The following XRRA1 variants were observed in gnomAD, a reference collection of about 807,000 sequenced individuals.
The protein encoded by XRRA1 is X-ray radiation resistance associated 1, also known as X-ray radiation resistance-associated protein 1.
Under a neutral mutation model 80.2 loss-of-function variants are expected in XRRA1, and 69 were observed. That is an observed-to-expected ratio of 0.86 (90% CI 0.71 to 1.05). XRRA1 has a LOEUF of 1.05. XRRA1 is among the 50% of genes least tolerant of loss of function. The probability of loss-of-function intolerance (pLI) is 0.00; values close to 1 mark genes in which losing one functional copy is unlikely to be tolerated. For missense variants in XRRA1, 967 were observed against 976.4 expected (o/e 0.99, Z 0.13); for synonymous variants, 348 against 389.9 (o/e 0.89, Z 1.27).
chr11:74,935,204 T>C (rs920254219), intron 4 of XRRA1, among the ~76,000 whole-genome samples: 2 of 152,158 alleles, frequency 1.3e-5, no homozygotes, highest in African/African-American at 4.8e-5. Context: ...TCAGTAACAA[T>C]CCCTTCTCTA....
intron 10 of XRRA1, among the ~76,000 whole-genome samples, chr11:74,885,247 G>C (rs2048733189): frequency 6.6e-6 from 1 of 152,008 alleles, no homozygotes; most frequent in Admixed American, 6.6e-5. Flanking sequence ...CTGGGTGACA[G>C]AGTGAGACCC....
intron 14 of XRRA1, 73 bp downstream of exon 14, chr11:74,851,015 C>A (rs1004741451): frequency 4.6e-4 from 536 of 1,161,056 alleles, no homozygotes; most frequent in Non-Finnish European, 6.1e-4. Flanking sequence ...AGCTCTACAG[C>A]CAGGTTGGTT....
intron 11 of XRRA1, among the ~76,000 whole-genome samples, chr11:74,860,610 G>A (rs767577212): frequency 4.6e-5 from 7 of 152,206 alleles, no homozygotes; most frequent in African/African-American, 7.2e-5. Context: ...TCTGAGCACT[G>A]AGCAATCCTA....
Position 74,906,335 on chromosome 11 carries a change from G to A in XRRA1, c.907C>T (p.Gln303Ter). 4.3e-6 allele frequency: 7 copies of A among 1,613,970 alleles called. No individual in the cohort carries two copies. Among genetic ancestry groups the A allele is most frequent in the Non-Finnish European group, 5.9e-6 (7 of 1,179,884 alleles). Residue 303 changes from glutamine (Q) to a stop codon, truncating the protein, a stop_gained, in exon 10 of 19, where the codon CAA becomes TAA. Coordinates refer to ENST00000684022, the MANE Select transcript of XRRA1 (RefSeq NM_001378157.1). LOFTEE classifies it high-confidence loss of function. ...CTTGGCTTGGACTGCAGCATGAATT[G>A]GGGCTCTTTATGGGGACTTCCCCTG... ...GGRGSPHKEP[Q>*]FMLQSKPRML...
At chr11:74,875,708 A>G (rs2045898091) in intron 10 of XRRA1, among the ~76,000 whole-genome samples, 1 of 152,116 alleles carries the variant, frequency 6.6e-6, no homozygotes. Flanking sequence ...ATCTCTACTA[A>G]TAATACAAAG....
intron 7 of XRRA1, among the ~76,000 whole-genome samples, chr11:74,925,879 A>G (rs1024580172): frequency 2.6e-5 from 4 of 152,200 alleles, no homozygotes; most frequent in Admixed American, 6.5e-5. Flanking sequence ...CTACTCTCTG[A>G]AAAAGTAAAA....
rs1260650031 is a variant in XRRA1 at position 74,843,848 on chromosome 11, C to T, written c.2149+6G>A. The T allele has an allele frequency of 6.2e-7, 1 of 1,602,590 alleles. No homozygotes were observed. Among genetic ancestry groups the T allele is most frequent in the African/African-American group, 1.3e-5 (1 of 74,856 alleles). On this transcript the variant is annotated splice_donor_region_variant and intron_variant, in intron 18 of 18. Transcript: ENST00000684022. ...TGGGATCCTGGCAGCTGTGGCAGAG[C>T]CGTACCTAGTGGAGCCTCTGTAATG...
In XRRA1 at chr11:74,923,891, T is replaced by A. The variant is rs545097371; in HGVS notation, c.523-2544A>T. ...GGTCTCATTCTGTTACCCATTGGTA[T>A]GAACATGGCTAGAGGGCAGTGGTGT... On this transcript the variant is annotated intron_variant, in intron 7 of 18. Coordinates refer to ENST00000684022, the MANE Select transcript of XRRA1 (RefSeq NM_001378157.1). Among the ~76,000 whole-genome samples, 50 of 152,288 alleles carry A rather than the reference T, an allele frequency of 3.3e-4. 1 individual carries two copies. The South Asian group carries it at 6.8e-3, about 21-fold the overall frequency.
Position 74,921,102 on chromosome 11 carries a change from CCTG to C in XRRA1, c.656+109_656+111del, listed in dbSNP as rs1171611960. On this transcript the variant is annotated intron_variant, in intron 8 of 18. Transcript: ENST00000684022. ...GGGAGCTTCAGTAGGTGCCATTATC[CCTG>C]CTTTGAGCACTTACAGCCTATCTTT... 2.1e-6 allele frequency: 3 copies of C among 1,405,644 alleles called. No individual in the cohort carries two copies. In the African/African-American group the frequency reaches 4.3e-5, roughly 20 times the overall value. 87.1% of individuals were successfully genotyped at this position (1,405,644 alleles called of 1,614,324 possible).
intron 7 of XRRA1, among the ~76,000 whole-genome samples, chr11:74,925,718 C>A (rs1942055929): frequency 6.6e-6 from 1 of 152,120 alleles, no homozygotes; most frequent in African/African-American, 2.4e-5. Flanking sequence ...CACTCATGAT[C>A]AATCACTAGA....
At chr11:74,867,071 T>C (rs1355988815) in intron 10 of XRRA1, among the ~76,000 whole-genome samples, 2 of 152,144 alleles carry the variant, frequency 1.3e-5, no homozygotes. Flanking sequence ...CCAGTGGCCC[T>C]GCACCCTGGC....
chr11:74,930,354 T>G lies in XRRA1; in HGVS notation c.370A>C (p.Lys124Gln). The G allele has an allele frequency of 6.4e-7, 1 of 1,563,436 alleles. No homozygotes were observed. Among genetic ancestry groups the G allele is most frequent in the Non-Finnish European group, 8.7e-7 (1 of 1,152,860 alleles). The change falls in exon 6 of 19, where the codon AAG (lysine) becomes CAG (glutamine). Residue 124 changes from lysine to glutamine, a missense_variant. By Grantham distance (53) the Lys-to-Gln change is moderately conservative. Transcript: ENST00000684022. The part of the protein sequence containing the change: ...KFSKAKENDF[K>Q]HFHSVIYINA... ...ATATAAATCACAGAATGAAAATGCTTGAAGTCATTTTCCTTGGCCTGTAGG... is the reference window on the plus strand; with the variant it reads ...ATATAAATCACAGAATGAAAATGCTGGAAGTCATTTTCCTTGGCCTGTAGG...
intron 3 of XRRA1, among the ~76,000 whole-genome samples, chr11:74,939,374 T>G (rs1211502314): frequency 6.6e-6 from 1 of 152,144 alleles, no homozygotes; most frequent in Non-Finnish European, 1.5e-5. Flanking sequence ...GAAAGAGCTA[T>G]TTTGTTTCCC....
chr11:74,866,291 T>C (rs191800511), intron 10 of XRRA1, among the ~76,000 whole-genome samples: 14 of 152,280 alleles, frequency 9.2e-5, no homozygotes, highest in African/African-American at 3.1e-4. Flanking sequence ...TCTCATTCTG[T>C]CACCCAGGTT....
At chr11:74,943,834 T>C (rs75663246) in intron 2 of XRRA1, among the ~76,000 whole-genome samples, 3 of 152,158 alleles carry the variant, frequency 2.0e-5, no homozygotes, top group African/African-American at 7.2e-5. Flanking sequence ...CTTTTTTTTT[T>C]CTTTTGAGAC....
chr11:74,848,984 A>C (rs983513995), intron 14 of XRRA1, among the ~76,000 whole-genome samples: 2 of 152,222 alleles, frequency 1.3e-5, no homozygotes, highest in African/African-American at 4.8e-5. Context: ...TATACCTTAT[A>C]TAAAGATCCT....
In XRRA1 at chr11:74,856,144, AAC is replaced by A. The variant is rs2041044552; in HGVS notation, c.1170+3012_1170+3013del. 4.4e-4 allele frequency among the ~76,000 whole-genome samples: 67 copies of A among 152,326 alleles called. 1 individual carries two copies. The South Asian group carries it at 0.013, about 31-fold the overall frequency. On this transcript the variant is annotated intron_variant, in intron 12 of 18. Coordinates refer to ENST00000684022, the MANE Select transcript of XRRA1 (RefSeq NM_001378157.1). ...GAAACTCCATCTGAACAACAACAAC[AAC>A]AAAAATCATTCATTCATCTAACAAA...
intron 8 of XRRA1, among the ~76,000 whole-genome samples, chr11:74,920,970 G>C (rs753873570): frequency 7.2e-5 from 11 of 152,162 alleles, no homozygotes; most frequent in Non-Finnish European, 1.2e-4. Flanking sequence ...TGTCTGGCAA[G>C]ACAGTTTACA....
At chr11:74,925,564 T>G (rs1942017261) in intron 7 of XRRA1, among the ~76,000 whole-genome samples, 1 of 151,510 alleles carries the variant, frequency 6.6e-6, no homozygotes, top group Non-Finnish European at 1.5e-5. Flanking sequence ...GGGCAAGAGA[T>G]TTCCTGTTTT....
Sources: gnomAD v4.1 joint callset for allele counts (sites outside exome capture counted in the v4.1 genomes callset) on GRCh38, gnomAD v4.1.1 for gene constraint, MANE v1.5 for transcripts, NCBI Gene and HGNC (gene_info 2026-07-23, HGNC 2026-07-21) for gene names.